LOXHD1: variants seen among roughly 807,000 people sequenced by gnomAD.
The protein encoded by LOXHD1 is lipoxygenase homology PLAT domains 1.
A neutral mutation model predicts 248.2 loss-of-function variants in LOXHD1; 205 were observed. The observed-to-expected ratio is 0.83, with a 90% CI of 0.74 to 0.93. The LOEUF (loss-of-function observed/expected upper bound fraction) is 0.93, where lower values mean the gene tolerates loss of function less well. LOXHD1 is among the 40% of genes least tolerant of loss of function. The pLI, the probability that LOXHD1 is intolerant of heterozygous loss-of-function variation, is 0.00. For missense variants in LOXHD1, 2,930 were observed against 2,971.6 expected, an observed-to-expected ratio of 0.99 and a Z score of 0.33; for synonymous variants, 1,113 against 1,162.8, an observed-to-expected ratio of 0.96 and a Z score of 0.87.
chr18:46,560,047 C>CG, intron 19 of LOXHD1, 36 bp downstream of exon 19: 1 of 1,238,562 alleles, frequency 8.1e-7, no homozygotes, highest in Non-Finnish European at 1.1e-6. Flanking sequence ...TGTCTGGCCA[C>CG]TCCCTCCCCA....
Position 46,569,540 on chromosome 18 carries a change from T to C in LOXHD1, c.2146A>G (p.Ile716Val). ...TCAGAGACAAGAAGAACTTGCTTGA[T>C]GGTGTCAGATTTATCCCCATAGAGC... The part of the protein sequence containing the change: ...IKLYGDKSDT[I>V]KQVLLVSDNN... Residue 716 changes from isoleucine to valine, a missense_variant, in exon 16 of 41, where the codon ATC becomes GTC. Transcript: ENST00000642948. 1 of 1,551,966 alleles carries C rather than the reference T, an allele frequency of 6.4e-7. No individual in the cohort carries two copies. The highest frequency in any genetic ancestry group is 1.2e-5 in the South Asian group (1 of 84,068).
intron 34 of LOXHD1, 107 bp from the exon 35 acceptor site, chr18:46,509,922 T>G: frequency 2.6e-6 from 2 of 773,002 alleles, no homozygotes; most frequent in Non-Finnish European, 2.2e-6. Context: ...GATTAGGCCT[T>G]TACTCAGCAG....
intron 5 of LOXHD1, among the ~76,000 whole-genome samples, chr18:46,612,949 C>T (rs1490532328): frequency 6.6e-6 from 1 of 152,102 alleles, no homozygotes; most frequent in Non-Finnish European, 1.5e-5. Context: ...GTTTATCCAT[C>T]TAGCAATATC....
intron 21 of LOXHD1, chr18:46,555,454 T>G: frequency 5.5e-6 from 1 of 180,532 alleles, no homozygotes; most frequent in Non-Finnish European, 1.1e-5. Context: ...GTCTGTGAGC[T>G]GTGGTTCAGT....
chr18:46,644,341 T>C (rs1163228525), intron 2 of LOXHD1, among the ~76,000 whole-genome samples: 1 of 152,210 alleles, frequency 6.6e-6, no homozygotes, highest in Non-Finnish European at 1.5e-5. Flanking sequence ...GGGGTGCTTC[T>C]GATGAAAGTT....
At chr18:46,652,732 C>T (rs1455835069) in intron 1 of LOXHD1, among the ~76,000 whole-genome samples, 1 of 152,292 alleles carries the variant, frequency 6.6e-6, no homozygotes, top group South Asian at 2.1e-4. Context: ...TTTGTAGTAG[C>T]TTGACTTGTA....
rs1425549901 is a variant in LOXHD1, at chr18:46,587,795, A to G, written c.1654+4138T>C. Reference sequence around the variant, plus strand: ...GGAGAACACGGATCTCATTTATTTTACTGTCATGTAGCTCCTGAGGGACAG... The same window carrying G: ...GGAGAACACGGATCTCATTTATTTTGCTGTCATGTAGCTCCTGAGGGACAG... On this transcript the variant is annotated intron_variant, in intron 12 of 40. Coordinates refer to ENST00000642948, the MANE Select transcript of LOXHD1 (RefSeq NM_001384474.1). Among the ~76,000 whole-genome samples the G allele has an allele frequency of 2.6e-5, 4 of 152,126 alleles. No homozygotes were observed. In the East Asian group the frequency reaches 7.7e-4, roughly 29 times the overall value.
chr18:46,527,107 T>A (rs1437509830), intron 29 of LOXHD1, among the ~76,000 whole-genome samples: 1 of 151,986 alleles, frequency 6.6e-6, no homozygotes, highest in Non-Finnish European at 1.5e-5. Context: ...AGATTTTTTC[T>A]TGTGACATAA....
chr18:46,486,111 A>C (rs1168484640), intron 38 of LOXHD1, among the ~76,000 whole-genome samples: 1 of 152,126 alleles, frequency 6.6e-6, no homozygotes, highest in Admixed American at 6.5e-5. Flanking sequence ...AGATACTGAG[A>C]GAGTGTGACA....
At chr18:46,651,887 T>C (rs1393221964) in intron 1 of LOXHD1, among the ~76,000 whole-genome samples, 1 of 152,190 alleles carries the variant, frequency 6.6e-6, no homozygotes, top group Non-Finnish European at 1.5e-5. Flanking sequence ...CACTTTTAAG[T>C]CTTTACCCAA....
In LOXHD1 at chr18:46,639,875, A is replaced by G. The variant is rs1476206364; in HGVS notation, c.327-75T>C. 8.0e-6 allele frequency: 12 copies of G among 1,502,360 alleles called. No homozygotes were observed. In the East Asian group the frequency reaches 2.2e-4, roughly 28 times the overall value. The allele number at this position is 1,502,360 out of a possible 1,614,324, so 93.1% of individuals were successfully genotyped here. On this transcript the variant is annotated intron_variant, in intron 3 of 40. Coordinates refer to ENST00000642948, the MANE Select transcript of LOXHD1 (RefSeq NM_001384474.1). Reference sequence around the variant, plus strand: ...ACCCCTTCCATACTGGAATACCCAGATGTTTACTCCAAAGAGAGGTCCAAT... The same window carrying G: ...ACCCCTTCCATACTGGAATACCCAGGTGTTTACTCCAAAGAGAGGTCCAAT...
chr18:46,633,995 T>C (rs2038860737), intron 4 of LOXHD1, among the ~76,000 whole-genome samples: 1 of 152,192 alleles, frequency 6.6e-6, no homozygotes, highest in African/African-American at 2.4e-5. Flanking sequence ...GCATTGCTGG[T>C]AGGAATGTAA....
intron 21 of LOXHD1, among the ~76,000 whole-genome samples, chr18:46,549,335 T>C (rs1258277619): frequency 2.5e-5 from 3 of 120,636 alleles, no homozygotes; most frequent in Non-Finnish European, 5.6e-5. Context: ...TAAACTCCAC[T>C]TGAAAGTAAA....
chr18:46,519,982 C>G (rs1488750196), intron 33 of LOXHD1, among the ~76,000 whole-genome samples: 1 of 152,164 alleles, frequency 6.6e-6, no homozygotes, highest in African/African-American at 2.4e-5. Context: ...GGAGCTGCAG[C>G]TGCACTGCGT....
intron 8 of LOXHD1, among the ~76,000 whole-genome samples, chr18:46,595,514 G>A (rs1331522083): frequency 6.6e-6 from 1 of 152,176 alleles, no homozygotes; most frequent in Non-Finnish European, 1.5e-5. Flanking sequence ...GAAGAATAAA[G>A]TGCCCAAGTT....
At position 46,524,524 on chromosome 18, in the gene LOXHD1, G is replaced by C. The variant is rs976758061; in HGVS notation, c.4818C>G (p.Ala1606=). 2 of 1,551,656 alleles carry C rather than the reference G, an allele frequency of 1.3e-6. No homozygotes were observed. The highest frequency in any genetic ancestry group is 1.7e-6 in the Non-Finnish European group (2 of 1,146,996). ...FWEIALSSKM[A]DVDISTVTGP... ...CGGTCACTGTGCTGATGTCGACATC[G>C]GCCATCTTGGAGCTCAGGGCGATCT... The change falls in exon 31 of 41, where the codon GCC becomes GCG. Residue 1606 remains alanine (A), a synonymous_variant. Coordinates refer to ENST00000642948, the MANE Select transcript of LOXHD1 (RefSeq NM_001384474.1).
intron 2 of LOXHD1, among the ~76,000 whole-genome samples, chr18:46,646,592 C>T (rs1228616116): frequency 6.6e-6 from 1 of 152,186 alleles, no homozygotes; most frequent in African/African-American, 2.4e-5. Flanking sequence ...CCTGGCCTTC[C>T]AGACCTTTCT....
intron 6 of LOXHD1, among the ~76,000 whole-genome samples, chr18:46,606,339 T>C (rs973779094): frequency 1.2e-4 from 17 of 139,916 alleles, no homozygotes; most frequent in African/African-American, 1.5e-4. Flanking sequence ...ACTGTATATA[T>C]ATACACACAC....
intron 40 of LOXHD1, 35 bp from the exon 41 acceptor site, chr18:46,477,987 C>T: frequency 6.5e-7 from 1 of 1,526,868 alleles, no homozygotes; most frequent in Non-Finnish European, 8.8e-7. Context: ...GGGGTAGGGG[C>T]TAAGCAGACC....
Sources: gnomAD v4.1 joint callset for allele counts (sites outside exome capture counted in the v4.1 genomes callset) on GRCh38, gnomAD v4.1.1 for gene constraint, MANE v1.5 for transcripts, NCBI Gene and HGNC (gene_info 2026-07-23, HGNC 2026-07-21) for gene names.